BRIX1: variants seen among roughly 807,000 people sequenced by gnomAD.
BRIX1 encodes the protein ribosome biogenesis protein BRX1 homolog.
BRIX1 carries 15 observed loss-of-function variants against 44.0 expected under a neutral mutation model. The ratio of observed to expected loss-of-function variants is 0.34; its 90% confidence interval spans 0.23 to 0.53. BRIX1 has a LOEUF of 0.53. BRIX1 is among the 20% of genes least tolerant of loss of function. The probability of loss-of-function intolerance (pLI) is 0.95; values close to 1 mark genes in which losing one functional copy is unlikely to be tolerated. For missense variants in BRIX1, 420 were observed against 432.8 expected, an observed-to-expected ratio of 0.97 and a Z score of 0.26; for synonymous variants, 149 against 135.4, an observed-to-expected ratio of 1.10 and a Z score of -0.70.
intron 1 of BRIX1, among the ~76,000 whole-genome samples, chr5:34,917,653 A>G (rs576109308): frequency 1.3e-5 from 2 of 152,228 alleles, no homozygotes; most frequent in African/African-American, 2.4e-5. Context: ...CAAACAAACA[A>G]AAAAAGTAAA....
At chr5:34,916,993 T>TA (rs1443467021) in intron 1 of BRIX1, among the ~76,000 whole-genome samples, 1 of 152,232 alleles carries the variant, frequency 6.6e-6, no homozygotes, top group African/African-American at 2.4e-5. Context: ...CATACTTCGA[T>TA]ACATTCTATG....
intron 5 of BRIX1, 32 bp downstream of exon 5, chr5:34,922,620 G>C: frequency 6.3e-7 from 1 of 1,592,234 alleles, no homozygotes; most frequent in South Asian, 1.1e-5. Context: ...TTTTAGATGA[G>C]GAAATTAAAA....
intron 3 of BRIX1, 173 bp downstream of exon 3, chr5:34,920,056 T>G: frequency 2.3e-6 from 1 of 426,694 alleles, no homozygotes; most frequent in East Asian, 4.0e-5. Flanking sequence ...AGTTTAGTGC[T>G]TCATTCATTT....
At chr5:34,922,965 C>G (rs770734953) in intron 6 of BRIX1, 36 bp from the exon 7 acceptor site, 1 of 1,394,394 alleles carries the variant, frequency 7.2e-7, no homozygotes. Flanking sequence ...ACAAGGCAGT[C>G]TACTGTTAAA....
chr5:34,922,545 A>G lies in BRIX1; in HGVS notation c.393A>G (p.Ser131=), dbSNP rs998679795. 4.4e-6 allele frequency: 7 copies of G among 1,606,932 alleles called. No individual in the cohort carries two copies. In the African/African-American group the frequency reaches 9.4e-5, roughly 21 times the overall value. ...KKKQDLYMWL[S]NSPHGPSAKF... Reference sequence around the variant, plus strand: ...CTTACTCCATATCTTTCAGGCTTTCAAATTCACCTCACGGACCATCTGCTA... The same window carrying G: ...CTTACTCCATATCTTTCAGGCTTTCGAATTCACCTCACGGACCATCTGCTA... The change falls in exon 5 of 10, where the codon TCA becomes TCG. Residue 131 remains serine, a synonymous_variant. Transcript: ENST00000336767.
At chr5:34,917,136 A>C (rs1306682383) in intron 1 of BRIX1, among the ~76,000 whole-genome samples, 1 of 152,204 alleles carries the variant, frequency 6.6e-6, no homozygotes, top group East Asian at 1.9e-4. Flanking sequence ...GAACACTCCA[A>C]GGGAGAAAAA....
At position 34,922,851 on chromosome 5, in the gene BRIX1, T is replaced by G. The variant is rs37432; in HGVS notation, c.510+83T>G. On this transcript the variant is annotated intron_variant, in intron 6 of 9. Transcript: ENST00000336767. ...AGTAGATATAGTTGTGTTATTCAAT[T>G]TAGTTTCACCCCCACCTTGGTTTTA... is the stretch of plus-strand genomic sequence containing the variant. 3.4e-3 allele frequency: 4,676 copies of G among 1,373,986 alleles called. 125 individuals carry two copies. In the East Asian group the frequency reaches 0.066, roughly 19 times the overall value. The allele number at this position is 1,373,986 out of a possible 1,614,324, so 85.1% of individuals were successfully genotyped here. A position where few individuals can be genotyped will look rare whatever the true frequency, so the allele number is the denominator to read the frequency against.
Position 34,919,881 on chromosome 5 carries a change from G to T in BRIX1, c.313G>T (p.Glu105Ter). Residue 105 changes from glutamate (E) to a stop codon, truncating the protein, a stop_gained and splice_region_variant, in exon 3 of 10, where the codon GAG becomes TAG. Coordinates refer to ENST00000336767, the MANE Select transcript of BRIX1 (RefSeq NM_018321.4). LOFTEE classifies it high-confidence loss of function. ...DRKDKLFVIN[E>*]VCEMKNCNKC... ...TAAGGATAAGCTATTTGTGATTAACGAGGTAATTTTGGAAAGTAATTGCAA... is the reference window on the plus strand; with the variant it reads ...TAAGGATAAGCTATTTGTGATTAACTAGGTAATTTTGGAAAGTAATTGCAA... 1 of 1,162,598 alleles carries T rather than the reference G, an allele frequency of 8.6e-7. No individual in the cohort carries two copies. Among genetic ancestry groups the T allele is most frequent in the Non-Finnish European group, 1.2e-6 (1 of 807,750 alleles). 72.0% of individuals were successfully genotyped at this position (1,162,598 alleles called of 1,614,324 possible). A position where few individuals can be genotyped will look rare whatever the true frequency, so the allele number is the denominator to read the frequency against.
chr5:34,922,085 T>C (rs1404424769), intron 3 of BRIX1, 132 bp from the exon 4 acceptor site: 1 of 480,198 alleles, frequency 2.1e-6, no homozygotes, highest in Non-Finnish European at 3.7e-6. Context: ...AATAAATACA[T>C]GTTTAGGCCT....
rs533312445 is a variant in BRIX1 at position 34,924,871 on chromosome 5, G to A, written c.688G>A (p.Val230Ile). The A allele has an allele frequency of 1.4e-4, 222 of 1,606,278 alleles. 2 individuals are homozygous for A. The South Asian group carries it at 2.0e-3, about 15-fold the overall frequency. ...GATCATAGAAGAAGATGCTGCTCTTGTAGAAATAGGACCTCGTTTTGTCTT... is the reference window on the plus strand; with the variant it reads ...GATCATAGAAGAAGATGCTGCTCTTATAGAAATAGGACCTCGTTTTGTCTT... ...FQIIEEDAALVEIGPRFVLNL... is the reference protein window; with the variant it reads ...FQIIEEDAALIEIGPRFVLNL... Residue 230 changes from valine (V) to isoleucine (I), a missense_variant, in exon 9 of 10, where the codon GTA (valine) becomes ATA (isoleucine). Coordinates refer to ENST00000336767, the MANE Select transcript of BRIX1 (RefSeq NM_018321.4).
At chr5:34,917,360 G>A (rs971829369) in intron 1 of BRIX1, among the ~76,000 whole-genome samples, 2 of 152,124 alleles carry the variant, frequency 1.3e-5, no homozygotes, top group Admixed American at 6.5e-5. Context: ...ATGGTCCAGC[G>A]TGGTGGCTCA....
intron 8 of BRIX1, among the ~76,000 whole-genome samples, chr5:34,924,314 A>G (rs1764305588): frequency 2.0e-5 from 3 of 152,366 alleles, no homozygotes; most frequent in Admixed American, 2.0e-4. Flanking sequence ...AGTTGAACAC[A>G]TCATCCTAAC....
In BRIX1 at chr5:34,922,594, T is replaced by C. The variant is rs1255949566; in HGVS notation, c.436+6T>C. ...TAAATTCCTTGTTCAAAATAGTAAG[T>C]TGACTCAATAAATTTTTTTAGATGA... On this transcript the variant is annotated splice_donor_region_variant and intron_variant, in intron 5 of 9. Transcript: ENST00000336767. 1.2e-6 allele frequency: 2 copies of C among 1,602,804 alleles called. No homozygotes were observed. Among genetic ancestry groups the C allele is most frequent in the Non-Finnish European group, 1.7e-6 (2 of 1,170,198 alleles).
At chr5:34,925,029 A>G in intron 9 of BRIX1, 54 bp downstream of exon 9, 1 of 1,567,144 alleles carries the variant, frequency 6.4e-7, no homozygotes, top group South Asian at 1.2e-5. Flanking sequence ...CTTTGGCCAA[A>G]ATGATTCTGT....
chr5:34,924,150 G>A (rs1443008039), intron 8 of BRIX1, among the ~76,000 whole-genome samples: 2 of 152,226 alleles, frequency 1.3e-5, no homozygotes, highest in African/African-American at 2.4e-5. Flanking sequence ...GGAGAAAAGA[G>A]GAGGTGACTC....
chr5:34,920,013 C>T, intron 3 of BRIX1, 130 bp downstream of exon 3: 1 of 493,120 alleles, frequency 2.0e-6, no homozygotes. Context: ...ATTAACTCTT[C>T]AATAACTGGT....
In BRIX1 at chr5:34,915,906, G is replaced by A. The variant is rs980304455; in HGVS notation, c.159+9G>A. 1.1e-5 allele frequency: 17 copies of A among 1,545,150 alleles called. No individual in the cohort carries two copies. Among genetic ancestry groups the A allele is most frequent in the Non-Finnish European group, 1.5e-5 (17 of 1,144,802 alleles). ...CAGGCCCCGTTTGCAAGGTAGGAGG[G>A]GATGTCCCCGGGCTACACCTGCGGC... On this transcript the variant is annotated intron_variant, in intron 1 of 9. Coordinates refer to ENST00000336767, the MANE Select transcript of BRIX1 (RefSeq NM_018321.4).
rs371734709 is a variant in BRIX1, at chr5:34,925,314, C to T, written c.881C>T (p.Pro294Leu). 1.9e-5 allele frequency: 31 copies of T among 1,613,198 alleles called. No homozygotes were observed. The highest frequency in any genetic ancestry group is 2.2e-5 in the East Asian group (1 of 44,854). Residue 294 changes from proline to leucine, a missense_variant, in exon 10 of 10, where the codon CCG (proline) becomes CTG (leucine). Physicochemically the swap from Pro to Leu is moderately conservative, Grantham distance 98. Coordinates refer to ENST00000336767, the MANE Select transcript of BRIX1 (RefSeq NM_018321.4). ...KDVQKLRKKE[P>L]KTLLPHDPTA... Reference sequence around the variant, plus strand: ...GTGCAAAAACTGAGAAAGAAAGAGCCGAAGACTCTTCTTCCACATGATCCC... The same window carrying T: ...GTGCAAAAACTGAGAAAGAAAGAGCTGAAGACTCTTCTTCCACATGATCCC...
chr5:34,922,063 G>A, intron 3 of BRIX1, 154 bp from the exon 4 acceptor site: 1 of 434,888 alleles, frequency 2.3e-6, no homozygotes, highest in South Asian at 5.2e-5. Context: ...AACTTTAAAG[G>A]TTCCTTCTGT....
Sources: allele counts gnomAD v4.1 joint callset (sites outside exome capture counted in the v4.1 genomes callset), GRCh38; gene constraint gnomAD v4.1.1; transcripts MANE v1.5; gene names NCBI Gene and HGNC (gene_info 2026-07-23, HGNC 2026-07-21).